The following HTR1F variants were observed in gnomAD, a reference collection of about 807,000 sequenced individuals.
HTR1F encodes the protein 5-hydroxytryptamine receptor 1F.
A neutral mutation model predicts 24.0 loss-of-function variants in HTR1F; 17 were observed. The observed-to-expected ratio is 0.71, with a 90% CI of 0.48 to 1.06. The LOEUF (loss-of-function observed/expected upper bound fraction) is 1.06, where lower values mean the gene tolerates loss of function less well. Among genes scored for constraint, HTR1F ranks in the 50% least tolerant of loss-of-function variants. The pLI, the probability that HTR1F is intolerant of heterozygous loss-of-function variation, is 0.00. For synonymous variants in HTR1F, 186 were observed against 156.8 expected, an observed-to-expected ratio of 1.19 and a Z score of -1.39; for missense variants, 391 against 427.8, an observed-to-expected ratio of 0.91 and a Z score of 0.76.
chr3:87,971,881 T>C (rs1705293077), intron 2 of HTR1F, among the ~76,000 whole-genome samples: 1 of 152,230 alleles, frequency 6.6e-6, no homozygotes, highest in Non-Finnish European at 1.5e-5. Flanking sequence ...TTTATTTGCC[T>C]ACTTCTACTG....
At chr3:87,891,031 G>A (rs1159420422) in intron 2 of HTR1F, among the ~76,000 whole-genome samples, 2 of 151,726 alleles carry the variant, frequency 1.3e-5, no homozygotes, top group Admixed American at 6.6e-5. Flanking sequence ...TGTAGAAAGG[G>A]GGTTTCACCA....
At chr3:87,989,115 TAGAG>T (rs942273222) in intron 2 of HTR1F, among the ~76,000 whole-genome samples, 5 of 152,300 alleles carry the variant, frequency 3.3e-5, no homozygotes, top group South Asian at 2.1e-4. Context: ...AAAAAGTTAT[TAGAG>T]AGAAGAGGAT....
intron 1 of HTR1F, among the ~76,000 whole-genome samples, chr3:87,819,281 C>A (rs1704308650): frequency 6.6e-6 from 1 of 152,054 alleles, no homozygotes; most frequent in African/African-American, 2.4e-5. Flanking sequence ...TCCCCACAAC[C>A]AGACACACAT....
intron 2 of HTR1F, among the ~76,000 whole-genome samples, chr3:87,853,361 T>C (rs1705130401): frequency 6.6e-6 from 1 of 152,094 alleles, no homozygotes. Context: ...AAAAGGATAA[T>C]GACCTCCAGC....
intron 2 of HTR1F, among the ~76,000 whole-genome samples, chr3:87,847,411 A>G (rs1195960399): frequency 1.3e-5 from 2 of 151,894 alleles, no homozygotes; most frequent in Non-Finnish European, 2.9e-5. Context: ...TTGTATTGAT[A>G]GACAATATTT....
chr3:87,810,762 A>G (rs1006571811), intron 1 of HTR1F, among the ~76,000 whole-genome samples: 11 of 152,322 alleles, frequency 7.2e-5, no homozygotes, highest in African/African-American at 2.4e-4. Context: ...GAACTCAGGT[A>G]GATGAGGAAC....
chr3:87,909,596 C>T (rs1703733208), intron 2 of HTR1F, among the ~76,000 whole-genome samples: 1 of 151,848 alleles, frequency 6.6e-6, no homozygotes, highest in Admixed American at 6.6e-5. Flanking sequence ...ATCAATTTTA[C>T]CAGAAAGAAT....
chr3:87,893,682 T>A (rs1458768482), intron 2 of HTR1F, among the ~76,000 whole-genome samples: 3 of 152,246 alleles, frequency 2.0e-5, no homozygotes, highest in African/African-American at 7.2e-5. Flanking sequence ...CTTGACAGCA[T>A]CTTTGCTTTG....
intron 2 of HTR1F, among the ~76,000 whole-genome samples, chr3:87,945,778 G>T (rs539982385): frequency 6.6e-6 from 1 of 152,244 alleles, no homozygotes; most frequent in South Asian, 2.1e-4. Flanking sequence ...TTCTAAGGAA[G>T]GATAGGACAG....
At chr3:87,855,783 T>C (rs1463785907) in intron 2 of HTR1F, among the ~76,000 whole-genome samples, 1 of 152,110 alleles carries the variant, frequency 6.6e-6, no homozygotes, top group Non-Finnish European at 1.5e-5. Flanking sequence ...CATTCTGCTG[T>C]GTCCCTCTCA....
chr3:87,849,136 G>T (rs1705018044), intron 2 of HTR1F, among the ~76,000 whole-genome samples: 1 of 151,560 alleles, frequency 6.6e-6, no homozygotes. Flanking sequence ...CCAAAAAAGA[G>T]CCCGCATTGC....
intron 2 of HTR1F, among the ~76,000 whole-genome samples, chr3:87,982,235 T>G (rs978962060): frequency 1.9e-4 from 29 of 152,288 alleles, no homozygotes; most frequent in African/African-American, 6.5e-4. Flanking sequence ...TTCTAAATAT[T>G]TTTAAATATC....
chr3:87,940,756 G>A (rs1055390327), intron 2 of HTR1F, among the ~76,000 whole-genome samples: 11 of 152,178 alleles, frequency 7.2e-5, no homozygotes, highest in African/African-American at 2.7e-4. Context: ...AAACAGCATG[G>A]TACTGGTACC....
At chr3:87,865,662 T>G (rs1374831441) in intron 2 of HTR1F, among the ~76,000 whole-genome samples, 1 of 152,168 alleles carries the variant, frequency 6.6e-6, no homozygotes, top group African/African-American at 2.4e-5. Flanking sequence ...GCTTATTCAT[T>G]TAACTTTATT....
At chr3:87,902,264 G>A (rs1393993924) in intron 2 of HTR1F, among the ~76,000 whole-genome samples, 19 of 152,032 alleles carry the variant, frequency 1.2e-4, no homozygotes, top group Non-Finnish European at 2.6e-4. Flanking sequence ...AGATACTCAC[G>A]CAGAAATAAT....
In HTR1F at chr3:87,824,070, C is replaced by G. The variant is rs1319425458; in HGVS notation, c.-43+1946C>G. Among the ~76,000 whole-genome samples, 9 of 151,488 alleles carry G rather than the reference C, an allele frequency of 5.9e-5. No individual in the cohort carries two copies. In the East Asian group the frequency reaches 1.7e-3, roughly 29 times the overall value. ...AAAAAAAAAAAAAAGCTAACATATG[C>G]AGAAGTCTCCCAGATCTTTATCCCA... On this transcript the variant is annotated intron_variant, in intron 2 of 2. Coordinates refer to ENST00000319595, the MANE Select transcript of HTR1F (RefSeq NM_001322209.2).
At chr3:87,851,145 C>T (rs1705078107) in intron 2 of HTR1F, among the ~76,000 whole-genome samples, 1 of 151,676 alleles carries the variant, frequency 6.6e-6, no homozygotes, top group African/African-American at 2.4e-5. Context: ...CTTCTGGGTG[C>T]TACAAAACTA....
intron 2 of HTR1F, among the ~76,000 whole-genome samples, chr3:87,828,710 T>C (rs1330465566): frequency 2.0e-5 from 3 of 152,208 alleles, no homozygotes; most frequent in Non-Finnish European, 4.4e-5. Flanking sequence ...TATCTTCATT[T>C]TAGTTTTATA....
At chr3:87,950,407 T>C in intron 2 of HTR1F, among the ~76,000 whole-genome samples, 1 of 152,312 alleles carries the variant, frequency 6.6e-6, no homozygotes, top group East Asian at 1.9e-4. Flanking sequence ...TTCCAAAATC[T>C]GGTACTCTAA....
Sources: allele counts gnomAD v4.1 joint callset (sites outside exome capture counted in the v4.1 genomes callset), GRCh38; gene constraint gnomAD v4.1.1; transcripts MANE v1.5; gene names NCBI Gene and HGNC (gene_info 2026-07-23, HGNC 2026-07-21).